Variants in CREB1 observed in about 807,000 individuals in gnomAD.
CREB1 encodes cyclic AMP-responsive element-binding protein 1.
In CREB1, 2 loss-of-function variants were observed where a neutral mutation model predicts 42.0. The ratio of observed to expected loss-of-function variants is 0.05; its 90% confidence interval spans 0.02 to 0.15. The LOEUF is 0.15. CREB1 is among the 10% of genes least tolerant of loss of function. The pLI, the probability that CREB1 is intolerant of heterozygous loss-of-function variation, is 1.00. For synonymous variants in CREB1, 123 were observed against 139.9 expected (o/e 0.88, Z 0.85); for missense variants, 199 against 388.9 (o/e 0.51, Z 4.11).
intron 6 of CREB1, among the ~76,000 whole-genome samples, chr2:207,576,473 G>A (rs1338058551): frequency 6.6e-6 from 1 of 151,838 alleles, no homozygotes; most frequent in Non-Finnish European, 1.5e-5. Context: ...TTTCACCATG[G>A]ATAATTGAAT....
Position 207,603,362 on chromosome 2 carries a change from A to T in CREB1, c.*6304A>T. On this transcript the variant is annotated 3_prime_UTR_variant, in exon 8 of 8. Coordinates refer to ENST00000353267, the MANE Select transcript of CREB1 (RefSeq NM_004379.5). The stretch of plus-strand genomic sequence containing the variant: ...TTTTTCTTACTGTAATCTTTGTGGT[A>T]TCAACTGTCATAATGCTCTTTTTAC... The T allele has an allele frequency of 4.5e-6, 1 of 224,532 alleles. No homozygotes were observed. Among genetic ancestry groups the T allele is most frequent in the Non-Finnish European group, 8.9e-6 (1 of 112,614 alleles). 13.9% of individuals were successfully genotyped at this position (224,532 alleles called of 1,614,324 possible). A position where few individuals can be genotyped will look rare whatever the true frequency, so the allele number is the denominator to read the frequency against.
intron 5 of CREB1, among the ~76,000 whole-genome samples, chr2:207,573,496 G>T (rs1313549072): frequency 6.6e-6 from 1 of 152,228 alleles, no homozygotes; most frequent in African/African-American, 2.4e-5. Context: ...AACACTTGGG[G>T]AGGCCAAAGT....
At chr2:207,562,190 G>C (rs1020987711) in intron 3 of CREB1, among the ~76,000 whole-genome samples, 1 of 152,094 alleles carries the variant, frequency 6.6e-6, no homozygotes, top group Non-Finnish European at 1.5e-5. Flanking sequence ...CTTAGTAATA[G>C]TGAGAAAACT....
At chr2:207,558,259 CT>C (rs2081812174) in intron 2 of CREB1, among the ~76,000 whole-genome samples, 1 of 152,132 alleles carries the variant, frequency 6.6e-6, no homozygotes, top group Admixed American at 6.6e-5. Context: ...ATTTCGCTGC[CT>C]GCTAAAATAA....
rs764811496 is a variant in CREB1, at chr2:207,600,701, T to C, written c.*3643T>C. 1 of 211,082 alleles carries C rather than the reference T, an allele frequency of 4.7e-6. No homozygotes were observed. The highest frequency in any genetic ancestry group is 2.3e-5 in the African/African-American group (1 of 44,070). 13.1% of individuals were successfully genotyped at this position (211,082 alleles called of 1,614,324 possible). ...TGTTTTGATGGTAGGTCAGCAGCAGTGCTAGTCTCTGAAAGCACAATACCA... is the reference window on the plus strand; with the variant it reads ...TGTTTTGATGGTAGGTCAGCAGCAGCGCTAGTCTCTGAAAGCACAATACCA... On this transcript the variant is annotated 3_prime_UTR_variant, in exon 8 of 8. Transcript: ENST00000353267.
At chr2:207,536,328 G>A (rs2080869046) in intron 1 of CREB1, among the ~76,000 whole-genome samples, 1 of 152,084 alleles carries the variant, frequency 6.6e-6, no homozygotes, top group African/African-American at 2.4e-5. Flanking sequence ...GCTGAGGTAG[G>A]TGGATCACCT....
intron 4 of CREB1, among the ~76,000 whole-genome samples, chr2:207,569,502 T>A (rs1192041215): frequency 6.6e-6 from 1 of 152,142 alleles, no homozygotes; most frequent in Non-Finnish European, 1.5e-5. Flanking sequence ...AAAAATCAGG[T>A]TTTGATCTTT....
At chr2:207,532,642 C>A (rs1180464480) in intron 1 of CREB1, among the ~76,000 whole-genome samples, 1 of 151,544 alleles carries the variant, frequency 6.6e-6, no homozygotes, top group Non-Finnish European at 1.5e-5. Flanking sequence ...CACTGCCCTC[C>A]AGCCTGGTGA....
chr2:207,577,756 T>G, intron 7 of CREB1, 101 bp downstream of exon 7: 2 of 1,456,420 alleles, frequency 1.4e-6, no homozygotes, highest in Non-Finnish European at 1.9e-6. Context: ...ATCTTTGCAT[T>G]GAATTTTTTT....
chr2:207,530,902 T>C (rs1427375104), intron 1 of CREB1, among the ~76,000 whole-genome samples: 1 of 151,720 alleles, frequency 6.6e-6, no homozygotes, highest in Non-Finnish European at 1.5e-5. Context: ...CTTTCTGCCC[T>C]GTGTTGCTTA....
chr2:207,582,073 A>C (rs2083036584), intron 7 of CREB1: 1 of 700,974 alleles, frequency 1.4e-6, no homozygotes, highest in South Asian at 1.5e-5. Context: ...ACTTGGTTAA[A>C]GTGCTGTCCA....
intron 1 of CREB1, among the ~76,000 whole-genome samples, chr2:207,542,874 C>A (rs1002091498): frequency 1.3e-5 from 2 of 152,168 alleles, no homozygotes; most frequent in African/African-American, 4.8e-5. Flanking sequence ...TCCCTTTATT[C>A]TGTGTCCATA....
intron 1 of CREB1, among the ~76,000 whole-genome samples, chr2:207,532,164 G>A (rs977464300): frequency 2.0e-5 from 3 of 151,864 alleles, no homozygotes; most frequent in Non-Finnish European, 4.4e-5. Context: ...AGACCAGCCT[G>A]GCCAACATGA....
At position 207,583,155 on chromosome 2, in the gene CREB1, AGGG is replaced by A. The variant is rs1229480972; in HGVS notation, c.839+5503_839+5505del. Among the ~76,000 whole-genome samples, 9 of 152,260 alleles carry A rather than the reference AGGG, an allele frequency of 5.9e-5. No individual in the cohort carries two copies. The South Asian group carries it at 1.9e-3, about 32-fold the overall frequency. On this transcript the variant is annotated intron_variant, in intron 7 of 7. Transcript: ENST00000353267. The stretch of plus-strand genomic sequence containing the variant: ...AATCTAGAGGTGATTTTAAGTATAT[AGGG>A]GGATTCATATAGGTTATATGCAAAT...
intron 1 of CREB1, among the ~76,000 whole-genome samples, chr2:207,533,438 T>C (rs1043762761): frequency 1.3e-5 from 2 of 152,326 alleles, no homozygotes; most frequent in Non-Finnish European, 2.9e-5. Flanking sequence ...ACCAAGTATG[T>C]CTTCCTCACG....
chr2:207,582,121 C>T, intron 7 of CREB1: 1 of 702,798 alleles, frequency 1.4e-6, no homozygotes, highest in Non-Finnish European at 2.6e-6. Flanking sequence ...TTCTCTTTGT[C>T]CAGCCCATAT....
intron 7 of CREB1, among the ~76,000 whole-genome samples, chr2:207,587,340 C>T (rs1412561975): frequency 6.6e-6 from 1 of 151,078 alleles, no homozygotes; most frequent in African/African-American, 2.4e-5. Context: ...TTGCAGTGAG[C>T]CGAGATCGCA....
chr2:207,553,366 G>A (rs1279506860), intron 1 of CREB1, among the ~76,000 whole-genome samples: 1 of 152,122 alleles, frequency 6.6e-6, no homozygotes, highest in African/African-American at 2.4e-5. Flanking sequence ...ATCGCGCCGG[G>A]CCCAGGTAAA....
chr2:207,561,521 G>T (rs1013261636), intron 3 of CREB1, among the ~76,000 whole-genome samples: 1 of 151,940 alleles, frequency 6.6e-6, no homozygotes, highest in Non-Finnish European at 1.5e-5. Context: ...TAGTGATCCC[G>T]GGTAAACACA....
Sources: allele counts gnomAD v4.1 joint callset (sites outside exome capture counted in the v4.1 genomes callset), GRCh38; gene constraint gnomAD v4.1.1; transcripts MANE v1.5; gene names NCBI Gene and HGNC (gene_info 2026-07-23, HGNC 2026-07-21).